The following PWWP2A variants were observed in gnomAD, a reference collection of about 807,000 sequenced individuals.
PWWP2A encodes PWWP domain-containing protein 2A.
Under a neutral mutation model 48.5 loss-of-function variants are expected in PWWP2A, and 18 were observed. The observed-to-expected ratio is 0.37, with a 90% confidence interval of 0.26 to 0.55. The LOEUF is 0.55. Among genes scored for constraint, PWWP2A ranks in the 20% least tolerant of loss-of-function variants. PWWP2A has a pLI of 0.81. For missense variants in PWWP2A, 867 were observed against 976.4 expected (o/e 0.89, Z 1.49); for synonymous variants, 396 against 387.7 (o/e 1.02, Z -0.25).
Position 160,092,209 on chromosome 5 carries a change from T to C in PWWP2A, c.*173A>G. The C allele has an allele frequency of 7.5e-7, 1 of 1,335,386 alleles. No homozygotes were observed. Among genetic ancestry groups the C allele is most frequent in the Non-Finnish European group, 9.6e-7 (1 of 1,046,600 alleles). The allele number at this position is 1,335,386 out of a possible 1,614,324, so 82.7% of individuals were successfully genotyped here. A position where few individuals can be genotyped will look rare whatever the true frequency, so the allele number is the denominator to read the frequency against. ...CCTTAACACAAAATTTGATTATATG[T>C]TCAGTTTAAGCTCTCAGTCTAAAAA... On this transcript the variant is annotated 3_prime_UTR_variant, in exon 2 of 2. Transcript: ENST00000307063.
intron 4 of PWWP2A, among the ~76,000 whole-genome samples, chr5:160,066,185 T>TAC (rs1753601239): frequency 6.6e-6 from 1 of 152,066 alleles, no homozygotes; most frequent in Non-Finnish European, 1.5e-5. Flanking sequence ...TGAAAATGTG[T>TAC]GTGTGAAAAA....
chr5:160,080,756 G>A lies in PWWP2A; in HGVS notation c.1564C>T (p.Gln522Ter), dbSNP rs1308642512. 1 of 1,558,660 alleles carries A rather than the reference G, an allele frequency of 6.4e-7. No individual in the cohort carries two copies. Among genetic ancestry groups the A allele is most frequent in the Non-Finnish European group, 8.7e-7 (1 of 1,148,482 alleles). ...CTCGTCACTGTCTGATGTAATAGCT[G>A]CCATTTGTTGAGACCTATGGTAGAA... The change falls in exon 3 of 4, where the codon CAG (glutamine) becomes TAG (stop). Residue 522 changes from glutamine (Q) to a stop codon, truncating the protein, a stop_gained. Transcript: ENST00000456329. LOFTEE classifies it high-confidence loss of function.
At chr5:160,048,929 T>C in the PWWP2A span, among the ~76,000 whole-genome samples, 103,127 of 151,834 alleles carry the variant, frequency 0.68, 35,112 homozygotes, top group East Asian at 0.74. Context: ...CCAGCCTGGG[T>C]GACAGAGCGA....
intron 1 of PWWP2A, among the ~76,000 whole-genome samples, chr5:160,118,429 TC>T: frequency 1.6e-5 from 1 of 63,698 alleles, no homozygotes; most frequent in South Asian, 6.0e-4. Flanking sequence ...CGCCCCCCCG[TC>T]CCCCCGTCCA....
the PWWP2A span, among the ~76,000 whole-genome samples, chr5:160,054,255 C>T: frequency 6.6e-6 from 1 of 152,156 alleles, no homozygotes; most frequent in Admixed American, 6.5e-5. Context: ...TTTTGAGGAG[C>T]TAGTCATTGA....
chr5:160,085,933 C>T (rs1231344804), intron 2 of PWWP2A, among the ~76,000 whole-genome samples: 1 of 152,090 alleles, frequency 6.6e-6, no homozygotes, highest in Non-Finnish European at 1.5e-5. Context: ...ATTCTACTAC[C>T]TCAGCCTCCT....
At chr5:160,088,929 G>T (rs1160363542), downstream of PWWP2A, among the ~76,000 whole-genome samples, 1 of 152,152 alleles carries the variant, frequency 6.6e-6, no homozygotes, top group Non-Finnish European at 1.5e-5. Flanking sequence ...TGCTTAAATA[G>T]GAGTGTAACT....
chr5:160,093,661 A>G lies in PWWP2A; in HGVS notation c.989T>C (p.Val330Ala), dbSNP rs760451010. Residue 330 changes from valine to alanine, a missense_variant, in exon 2 of 2, where the codon GTT (valine) becomes GCT (alanine). Transcript: ENST00000307063. This position sits in a 1 kb window ranked among gnomAD's most constrained non-coding sequence, Gnocchi z 5.8. The part of the protein sequence containing the change: ...VLCDKCKNSV[V>A]AEKKEIRKGS... Reference sequence around the variant, plus strand: ...TTTTCTAATTTCCTTTTTTTCAGCAACAACACTGTTTTTACATTTATCACA... The same window carrying G: ...TTTTCTAATTTCCTTTTTTTCAGCAGCAACACTGTTTTTACATTTATCACA... The G allele has an allele frequency of 2.5e-6, 4 of 1,613,840 alleles. No homozygotes were observed. In the South Asian group the frequency reaches 3.3e-5, roughly 13 times the overall value.
chr5:160,116,647 C>T (rs956185830), intron 1 of PWWP2A: 3 of 984,908 alleles, frequency 3.0e-6, no homozygotes, highest in Admixed American at 6.1e-5. Flanking sequence ...AAAGCACTAA[C>T]ACAATGAGCA....
At chr5:160,090,234 A>C (rs1178391702), downstream of PWWP2A, 1 of 985,108 alleles carries the variant, frequency 1.0e-6, no homozygotes, top group African/African-American at 1.7e-5. Flanking sequence ...ATGCCACAAC[A>C]GCACATTTAC....
the PWWP2A span, among the ~76,000 whole-genome samples, chr5:160,053,503 T>C: frequency 6.6e-6 from 1 of 152,046 alleles, no homozygotes; most frequent in Non-Finnish European, 1.5e-5. Context: ...GATCGAGACT[T>C]CAGTGAGCCA....
chr5:160,084,139 G>A (rs971144541), intron 2 of PWWP2A, among the ~76,000 whole-genome samples: 53 of 152,244 alleles, frequency 3.5e-4, no homozygotes, highest in African/African-American at 1.3e-3. Context: ...AGTAATGATG[G>A]CAAGTATTTA....
intron 1 of PWWP2A, among the ~76,000 whole-genome samples, chr5:160,098,877 A>G (rs1675583321): frequency 6.6e-6 from 1 of 152,192 alleles, no homozygotes. Context: ...CCGAGGTTGC[A>G]GTGAGCTGAG....
chr5:160,107,858 G>A lies in PWWP2A; in HGVS notation c.584+10947C>T, dbSNP rs182022163. ...TCTACTAAAAATACAAAAATTAGCC[G>A]GATATGGTGGCAGGCACCTGAAATC... On this transcript the variant is annotated intron_variant, in intron 1 of 1. Transcript: ENST00000307063. 8.5e-5 allele frequency among the ~76,000 whole-genome samples: 13 copies of A among 152,132 alleles called. No homozygotes were observed. The East Asian group carries it at 2.5e-3, about 29-fold the overall frequency.
intron 1 of PWWP2A, chr5:160,108,742 C>T: frequency 2.3e-6 from 1 of 428,006 alleles, no homozygotes; most frequent in Non-Finnish European, 4.5e-6. Context: ...TATTTTTAAT[C>T]CAACAGTACC....
At chr5:160,118,780 A>C (rs531942657) in intron 1 of PWWP2A, 25 bp downstream of exon 1, 1 of 1,394,242 alleles carries the variant, frequency 7.2e-7, no homozygotes, top group South Asian at 1.6e-5. Context: ...AGCGGACCGG[A>C]GGGTGCTGGG....
chr5:160,112,520 C>T (rs1757697724), intron 1 of PWWP2A, among the ~76,000 whole-genome samples: 1 of 152,114 alleles, frequency 6.6e-6, no homozygotes, highest in Admixed American at 6.5e-5. Flanking sequence ...CCACACCCGG[C>T]CAGGCATCCA....
intron 2 of PWWP2A, among the ~76,000 whole-genome samples, chr5:160,083,890 A>G (rs949409419): frequency 6.6e-6 from 1 of 152,254 alleles, no homozygotes; most frequent in African/African-American, 2.4e-5. Context: ...ATGTTAACAC[A>G]GGTCTCCTTT....
chr5:160,094,180 C>T, intron 1 of PWWP2A, 115 bp from the exon 2 acceptor site: 1 of 1,254,752 alleles, frequency 8.0e-7, no homozygotes, highest in Non-Finnish European at 1.1e-6. Flanking sequence ...AAAACTATTT[C>T]ATATTAAAAA....
Sources: allele counts gnomAD v4.1 joint callset (sites outside exome capture counted in the v4.1 genomes callset), GRCh38; gene constraint gnomAD v4.1.1; non-coding constraint Gnocchi (gnomAD v3.1); transcripts MANE v1.5; gene names NCBI Gene and HGNC (gene_info 2026-07-23, HGNC 2026-07-21).